FCHSD2: variants seen among roughly 807,000 people sequenced by gnomAD.
FCHSD2 encodes the protein F-BAR and double SH3 domains protein 2.
In FCHSD2, 38 loss-of-function variants were observed where a neutral mutation model predicts 108.1. The observed-to-expected ratio is 0.35, with a 90% CI of 0.27 to 0.46. FCHSD2 has a LOEUF of 0.46. FCHSD2 is among the 20% of genes least tolerant of loss of function. FCHSD2 has a pLI of 1.00. For synonymous variants in FCHSD2, 279 were observed against 314.7 expected (o/e 0.89, Z 1.20); for missense variants, 751 against 897.8 (o/e 0.84, Z 2.09).
chr11:73,074,206 G>A (rs1241641046), intron 3 of FCHSD2, among the ~76,000 whole-genome samples: 5 of 152,178 alleles, frequency 3.3e-5, no homozygotes, highest in Non-Finnish European at 4.4e-5. Context: ...CTGGAGTGCA[G>A]TCAGGGGGAA....
At chr11:73,109,254 G>A (rs1176686422) in intron 2 of FCHSD2, among the ~76,000 whole-genome samples, 1 of 152,118 alleles carries the variant, frequency 6.6e-6, no homozygotes, top group African/African-American at 2.4e-5. Context: ...TTCTATTTCT[G>A]TGAAGAATGT....
chr11:73,061,951 G>A (rs141849544), intron 3 of FCHSD2, among the ~76,000 whole-genome samples: 122 of 152,220 alleles, frequency 8.0e-4, no homozygotes, highest in African/African-American at 2.7e-3. Flanking sequence ...CACTGTGTTC[G>A]AGCTCTGTGA....
At chr11:73,023,484 G>A (rs758538826) in intron 3 of FCHSD2, among the ~76,000 whole-genome samples, 5 of 152,082 alleles carry the variant, frequency 3.3e-5, no homozygotes, top group Admixed American at 1.3e-4. Context: ...AAAATAATGT[G>A]GTACCACTAC....
intron 12 of FCHSD2, among the ~76,000 whole-genome samples, chr11:72,872,158 A>G (rs895646688): frequency 6.6e-6 from 1 of 151,940 alleles, no homozygotes; most frequent in Non-Finnish European, 1.5e-5. Flanking sequence ...GCTTAGAGGC[A>G]CTCCAATTGG....
At chr11:73,105,563 G>T (rs952162877) in intron 2 of FCHSD2, among the ~76,000 whole-genome samples, 1 of 152,066 alleles carries the variant, frequency 6.6e-6, no homozygotes, top group African/African-American at 2.4e-5. Context: ...ACTACTCTAA[G>T]CCTCAATTTT....
chr11:72,861,946 AAAAG>A (rs1414137088), intron 13 of FCHSD2, among the ~76,000 whole-genome samples: 64 of 152,176 alleles, frequency 4.2e-4, no homozygotes, highest in Non-Finnish European at 8.1e-4. Context: ...AAAAAAAAAA[AAAAG>A]ATAATATATC....
chr11:72,902,002 G>T (rs1395501082), intron 10 of FCHSD2, among the ~76,000 whole-genome samples: 2 of 151,946 alleles, frequency 1.3e-5, no homozygotes, highest in Non-Finnish European at 1.5e-5. Context: ...AGCCTCCTGA[G>T]TAGCTGGGAT....
At chr11:72,875,267 C>T (rs1483832752) in intron 12 of FCHSD2, among the ~76,000 whole-genome samples, 4 of 152,230 alleles carry the variant, frequency 2.6e-5, no homozygotes, top group Non-Finnish European at 2.9e-5. Context: ...CTCCAAACAG[C>T]TTTTATCATA....
chr11:73,031,916 G>A (rs1375680542), intron 3 of FCHSD2, among the ~76,000 whole-genome samples: 1 of 151,946 alleles, frequency 6.6e-6, no homozygotes, highest in Non-Finnish European at 1.5e-5. Context: ...AAACATTATG[G>A]GTATTATCAA....
chr11:73,027,967 G>A (rs1858267522), intron 3 of FCHSD2, among the ~76,000 whole-genome samples: 1 of 152,232 alleles, frequency 6.6e-6, no homozygotes, highest in African/African-American at 2.4e-5. Flanking sequence ...CCTCTGCCTA[G>A]ATTTCAGAGA....
chr11:72,943,102 C>T (rs971841508), intron 8 of FCHSD2, among the ~76,000 whole-genome samples: 1 of 152,172 alleles, frequency 6.6e-6, no homozygotes, highest in Admixed American at 6.5e-5. Context: ...AGTGATTCTC[C>T]TTCCTTGGCC....
At chr11:72,948,330 C>A (rs1184768741) in intron 8 of FCHSD2, among the ~76,000 whole-genome samples, 1 of 152,102 alleles carries the variant, frequency 6.6e-6, no homozygotes, top group African/African-American at 2.4e-5. Context: ...AAATTATTGG[C>A]TGCTTATTAT....
intron 12 of FCHSD2, among the ~76,000 whole-genome samples, chr11:72,886,335 C>A (rs1414964865): frequency 6.6e-6 from 1 of 152,176 alleles, no homozygotes; most frequent in Non-Finnish European, 1.5e-5. Context: ...CCTGAAGTTG[C>A]ATGGCATAAG....
At chr11:73,063,824 C>T (rs1240509769) in intron 3 of FCHSD2, among the ~76,000 whole-genome samples, 1 of 152,072 alleles carries the variant, frequency 6.6e-6, no homozygotes, top group African/African-American at 2.4e-5. Flanking sequence ...GACTTAGACT[C>T]CCACACAATA....
At chr11:72,980,650 T>C (rs931128855) in intron 8 of FCHSD2, among the ~76,000 whole-genome samples, 7 of 141,504 alleles carry the variant, frequency 4.9e-5, no homozygotes, top group African/African-American at 1.9e-4. Flanking sequence ...CAATCATGTA[T>C]ATATGTATGT....
At chr11:72,855,671 A>AT (rs1430306130) in intron 13 of FCHSD2, among the ~76,000 whole-genome samples, 7 of 152,238 alleles carry the variant, frequency 4.6e-5, no homozygotes, top group Non-Finnish European at 8.8e-5. Context: ...GTTTCAAGGT[A>AT]TATTACCCAT....
intron 4 of FCHSD2, among the ~76,000 whole-genome samples, chr11:73,013,735 T>G (rs1857910734): frequency 6.6e-6 from 1 of 152,192 alleles, no homozygotes; most frequent in African/African-American, 2.4e-5. Flanking sequence ...TTGCAATACT[T>G]TTTTAAATTA....
intron 2 of FCHSD2, among the ~76,000 whole-genome samples, chr11:73,129,271 T>C (rs1434424953): frequency 2.0e-5 from 3 of 152,180 alleles, no homozygotes; most frequent in Non-Finnish European, 4.4e-5. Flanking sequence ...TGCATGTCTC[T>C]AAACCAGGGG....
At chr11:73,050,510 G>A (rs1005537562) in intron 3 of FCHSD2, among the ~76,000 whole-genome samples, 2 of 152,078 alleles carry the variant, frequency 1.3e-5, no homozygotes, top group South Asian at 4.1e-4. Flanking sequence ...AATATATAAG[G>A]CTCTTAAATA....
Sources: allele counts gnomAD v4.1 joint callset (sites outside exome capture counted in the v4.1 genomes callset), GRCh38; gene constraint gnomAD v4.1.1; transcripts MANE v1.5; gene names NCBI Gene and HGNC (gene_info 2026-07-23, HGNC 2026-07-21).